LNPK: variants seen among roughly 807,000 people sequenced by gnomAD.
The protein encoded by LNPK is lunapark, ER junction formation factor, also known as endoplasmic reticulum junction formation protein lunapark.
In LNPK, 29 loss-of-function variants were observed where a neutral mutation model predicts 55.2. That is an observed-to-expected ratio of 0.53 (90% CI 0.39 to 0.72). The LOEUF (loss-of-function observed/expected upper bound fraction) is 0.72, where lower values mean the gene tolerates loss of function less well. LNPK is among the 30% of genes least tolerant of loss of function. LNPK has a pLI of 0.00. For synonymous variants in LNPK, 162 were observed against 168.2 expected (o/e 0.96, Z 0.29); for missense variants, 467 against 494.8 (o/e 0.94, Z 0.53).
At chr2:175,976,916 A>G (rs1686939200) in intron 5 of LNPK, among the ~76,000 whole-genome samples, 1 of 152,028 alleles carries the variant, frequency 6.6e-6, no homozygotes, top group African/African-American at 2.4e-5. Flanking sequence ...AATATTTCCT[A>G]TTGGTTCTGT....
chr2:175,987,811 A>G (rs977978385), intron 4 of LNPK, among the ~76,000 whole-genome samples: 13 of 152,184 alleles, frequency 8.5e-5, no homozygotes, highest in Non-Finnish European at 1.6e-4. Context: ...TACAGCATGA[A>G]TTTTTGTTCA....
rs1687891200 is a variant in LNPK, at chr2:175,995,548, A to T, written c.27+10T>A. On this transcript the variant is annotated intron_variant, in intron 2 of 12. Coordinates refer to ENST00000272748, the MANE Select transcript of LNPK (RefSeq NM_030650.3). ...GACTCAAGAACTAGCTGTAAAGAAA[A>T]GTACCTTACCCTCCATCGAGAAAAT... is the stretch of plus-strand genomic sequence containing the variant. 1.2e-6 allele frequency: 2 copies of T among 1,604,276 alleles called. No homozygotes were observed. Among genetic ancestry groups the T allele is most frequent in the African/African-American group, 2.7e-5 (2 of 74,466 alleles).
At chr2:175,930,640 T>C (rs1157550587) in intron 12 of LNPK, among the ~76,000 whole-genome samples, 2 of 144,646 alleles carry the variant, frequency 1.4e-5, no homozygotes, top group Non-Finnish European at 3.0e-5. Context: ...CTGTGAGTAA[T>C]ATGTAAATGT....
intron 5 of LNPK, 91 bp from the exon 6 acceptor site, chr2:175,970,895 TTTC>T (rs1439530239): frequency 1.7e-6 from 2 of 1,152,260 alleles, no homozygotes; most frequent in African/African-American, 1.6e-5. Context: ...ACAAGAAAAC[TTTC>T]TTATTTTAGG....
chr2:175,948,518 C>G (rs1394444847), intron 8 of LNPK, among the ~76,000 whole-genome samples: 2 of 152,184 alleles, frequency 1.3e-5, no homozygotes, highest in Non-Finnish European at 2.9e-5. Context: ...AAAAAAGTTT[C>G]ATGACTTGTA....
At position 175,937,450 on chromosome 2, in the gene LNPK, T is replaced by C; in HGVS notation, c.948A>G (p.Arg316=). Residue 316 remains arginine, a synonymous_variant, in exon 12 of 13, where the codon AGA becomes AGG. Coordinates refer to ENST00000272748, the MANE Select transcript of LNPK (RefSeq NM_030650.3). ...PARKTRPQAP[R]LPEFSFEKRQ... Reference sequence around the variant, plus strand: ...TCTTCTCAAAACTAAACTCAGGAAGTCTTGGAGCCTGAGGTCTGGTTTTTC... The same window carrying C: ...TCTTCTCAAAACTAAACTCAGGAAGCCTTGGAGCCTGAGGTCTGGTTTTTC... 1.7e-5 allele frequency: 27 copies of C among 1,613,476 alleles called. No individual in the cohort carries two copies. The highest frequency in any genetic ancestry group is 2.2e-5 in the Non-Finnish European group (26 of 1,179,580).
chr2:175,940,723 C>A (rs1684792896), intron 9 of LNPK, among the ~76,000 whole-genome samples: 1 of 151,962 alleles, frequency 6.6e-6, no homozygotes. Context: ...TGAATTAGTA[C>A]ACAATATTAA....
In LNPK at chr2:175,987,666, AGT is replaced by A. The variant is rs1194159928; in HGVS notation, c.257+4563_257+4564del. 2.0e-4 allele frequency among the ~76,000 whole-genome samples: 16 copies of A among 81,460 alleles called. No individual in the cohort carries two copies. The East Asian group carries it at 6.0e-3, about 31-fold the overall frequency. 53.4% of individuals were successfully genotyped at this position (81,460 alleles called of 152,430 possible). A position where few individuals can be genotyped will look rare whatever the true frequency, so the allele number is the denominator to read the frequency against. ...TGTGCACATGTACCCTAAAACTTAA[AGT>A]ATAATTAAAAAAAAAAAAATCACTA... is the stretch of plus-strand genomic sequence containing the variant. On this transcript the variant is annotated intron_variant, in intron 4 of 12. Transcript: ENST00000272748.
chr2:175,981,360 G>A (rs545155407), intron 4 of LNPK, among the ~76,000 whole-genome samples: 1 of 152,290 alleles, frequency 6.6e-6, no homozygotes, highest in South Asian at 2.1e-4. Flanking sequence ...AAGGTCTGTG[G>A]TAAACACTCA....
intron 8 of LNPK, among the ~76,000 whole-genome samples, chr2:175,959,073 G>C (rs1184284670): frequency 1.3e-5 from 2 of 152,170 alleles, no homozygotes; most frequent in Non-Finnish European, 2.9e-5. Flanking sequence ...TATGTGAAAA[G>C]ACCAAATCTA....
rs1031664208 is a variant in LNPK, at chr2:175,967,797, T to C, written c.357+2967A>G. ...CTTCTTTGCATTTCTTCTGTTATTG[T>C]GTAGCCTAAGGTGAATATTCAAACA... On this transcript the variant is annotated intron_variant, in intron 6 of 12. Coordinates refer to ENST00000272748, the MANE Select transcript of LNPK (RefSeq NM_030650.3). The C allele has an allele frequency of 1.6e-5, 15 of 964,662 alleles. No homozygotes were observed. In the Admixed American group the frequency reaches 1.8e-4, roughly 12 times the overall value. The allele number at this position is 964,662 out of a possible 1,614,324, so 59.8% of individuals were successfully genotyped here.
At chr2:176,001,853 C>T (rs1688174496) in intron 1 of LNPK, among the ~76,000 whole-genome samples, 1 of 152,180 alleles carries the variant, frequency 6.6e-6, no homozygotes, top group African/African-American at 2.4e-5. Context: ...CCAGTCACCA[C>T]CCGGAATCTC....
At position 175,965,837 on chromosome 2, in the gene LNPK, C is replaced by T. The variant is rs528801961; in HGVS notation, c.358-1248G>A. ...ACTAGGAACAGAGGTAGAAAGAGGG[C>T]ATAATAAAATACATCCCCAAATCAA... is the stretch of plus-strand genomic sequence containing the variant. On this transcript the variant is annotated intron_variant, in intron 6 of 12. Transcript: ENST00000272748. 2.8e-4 allele frequency among the ~76,000 whole-genome samples: 42 copies of T among 151,670 alleles called. No individual in the cohort carries two copies. In the South Asian group the frequency reaches 5.2e-3, roughly 19 times the overall value.
chr2:175,991,990 A>G (rs1000467989), intron 4 of LNPK, among the ~76,000 whole-genome samples: 5 of 152,128 alleles, frequency 3.3e-5, no homozygotes, highest in African/African-American at 9.7e-5. Flanking sequence ...ATCATAAAAC[A>G]TTGCCATATA....
chr2:176,002,403 G>A (rs747051), upstream of LNPK: 145,220 of 350,002 alleles, frequency 0.41, 31,790 homozygotes, highest in East Asian at 0.72. Context: ...CGGCCGGGAG[G>A]TTAGGATCTT....
chr2:175,963,104 G>A (rs1307070162), intron 8 of LNPK, among the ~76,000 whole-genome samples: 3 of 147,096 alleles, frequency 2.0e-5, no homozygotes, highest in South Asian at 2.2e-4. Flanking sequence ...TACACTGTTG[G>A]TGGGACTGTA....
At chr2:175,974,236 C>T (rs1196543361) in intron 5 of LNPK, among the ~76,000 whole-genome samples, 1 of 152,180 alleles carries the variant, frequency 6.6e-6, no homozygotes, top group Admixed American at 6.5e-5. Context: ...CCATTATGTA[C>T]TAAAAGTGCA....
chr2:175,930,233 C>A, intron 12 of LNPK, 34 bp from the exon 13 acceptor site: 1 of 1,573,340 alleles, frequency 6.4e-7, no homozygotes, highest in Non-Finnish European at 8.7e-7. Context: ...TTTAGGAATA[C>A]CTGAACGTTA....
At chr2:175,950,390 TAGAAG>T (rs998940140) in intron 8 of LNPK, among the ~76,000 whole-genome samples, 32 of 152,038 alleles carry the variant, frequency 2.1e-4, no homozygotes, top group Non-Finnish European at 4.1e-4. Context: ...TCAAAATAGC[TAGAAG>T]AGAAGAATTG....
Sources: gnomAD v4.1 joint callset for allele counts (sites outside exome capture counted in the v4.1 genomes callset) on GRCh38, gnomAD v4.1.1 for gene constraint, MANE v1.5 for transcripts, NCBI Gene and HGNC (gene_info 2026-07-23, HGNC 2026-07-21) for gene names.